Variants in SGSM1 observed in about 807,000 individuals in gnomAD.
The protein encoded by SGSM1 is small G protein signaling modulator 1.
SGSM1 carries 73 observed loss-of-function variants against 133.8 expected under a neutral mutation model. The ratio of observed to expected loss-of-function variants is 0.55; its 90% CI spans 0.45 to 0.66. SGSM1 has a LOEUF of 0.66. SGSM1 is among the 30% of genes least tolerant of loss of function. The pLI, the probability that SGSM1 is intolerant of heterozygous loss-of-function variation, is 0.00. For synonymous variants in SGSM1, 563 were observed against 573.0 expected (o/e 0.98, Z 0.25); for missense variants, 1,213 against 1,448.1 (o/e 0.84, Z 2.64).
chr22:24,908,893 C>CCAA (rs1933512595), intron 21 of SGSM1, among the ~76,000 whole-genome samples: 1 of 152,090 alleles, frequency 6.6e-6, no homozygotes, highest in African/African-American at 2.4e-5. Context: ...ATGCAAATGG[C>CCAA]TAATATGCAA....
chr22:24,855,020 C>A lies in SGSM1; in HGVS notation c.480C>A (p.Leu160=). ...GTAAATACTATGAGAAGGAAGCTCT[C>A]CTGATGGACCCTGTGGACGGCCCCA... is the stretch of plus-strand genomic sequence containing the variant. The part of the protein sequence containing the change: ...NSSKYYEKEA[L]LMDPVDGPIL... The change falls in exon 6 of 25, where the codon CTC becomes CTA. Residue 160 remains leucine, a synonymous_variant. Coordinates refer to ENST00000400358, the MANE Select transcript of SGSM1 (RefSeq NM_001098497.3). 1 of 1,613,512 alleles carries A rather than the reference C, an allele frequency of 6.2e-7. No individual in the cohort carries two copies. The highest frequency in any genetic ancestry group is 1.7e-5 in the Admixed American group (1 of 59,946).
intron 2 of SGSM1, among the ~76,000 whole-genome samples, chr22:24,839,300 G>A (rs1569141524): frequency 6.6e-6 from 1 of 152,208 alleles, no homozygotes; most frequent in Non-Finnish European, 1.5e-5. Flanking sequence ...CTAGGCCCAA[G>A]TGATCCTTTT....
At chr22:24,857,965 T>C (rs532787952) in intron 8 of SGSM1, among the ~76,000 whole-genome samples, 1 of 152,264 alleles carries the variant, frequency 6.6e-6, no homozygotes, top group East Asian at 1.9e-4. Flanking sequence ...TCCACTCTCA[T>C]CTCGGGGATG....
rs181791913 is a variant in SGSM1 at position 24,897,117 on chromosome 22, C to T, written c.2023-855C>T. On this transcript the variant is annotated intron_variant, in intron 18 of 24. Transcript: ENST00000400358. ...ACTGCACGCGGGGCGTGGTGGCTCA[C>T]GCCTGTAATCACAGCACTCTGGGAG... is the stretch of plus-strand genomic sequence containing the variant. Among the ~76,000 whole-genome samples the T allele has an allele frequency of 4.0e-5, 6 of 150,152 alleles. 1 individual carries two copies. In the East Asian group the frequency reaches 1.0e-3, roughly 25 times the overall value.
intron 2 of SGSM1, among the ~76,000 whole-genome samples, chr22:24,826,556 A>G (rs1928811894): frequency 6.6e-6 from 1 of 152,214 alleles, no homozygotes; most frequent in Admixed American, 6.5e-5. Context: ...GTGGCCAGGC[A>G]CTGTCCTGGG....
intron 8 of SGSM1, among the ~76,000 whole-genome samples, chr22:24,856,389 T>G (rs542164874): frequency 6.6e-6 from 1 of 152,210 alleles, no homozygotes; most frequent in Admixed American, 6.5e-5. Context: ...GCCAAGACAG[T>G]TATGATTTGA....
intron 16 of SGSM1, among the ~76,000 whole-genome samples, chr22:24,890,875 G>T (rs567473043): frequency 6.6e-6 from 1 of 152,050 alleles, no homozygotes; most frequent in Non-Finnish European, 1.5e-5. Context: ...CTCTATATTC[G>T]TGTATCACTT....
chr22:24,910,957 TAAAA>T (rs930847959), intron 21 of SGSM1, among the ~76,000 whole-genome samples: 8 of 148,308 alleles, frequency 5.4e-5, no homozygotes, highest in African/African-American at 2.0e-4. Context: ...AATAAATAAA[TAAAA>T]TAAAATAAAT....
At chr22:24,865,139 G>A (rs760146163) in intron 9 of SGSM1, among the ~76,000 whole-genome samples, 5 of 152,174 alleles carry the variant, frequency 3.3e-5, no homozygotes, top group Admixed American at 2.0e-4. Flanking sequence ...GATGGCTGGT[G>A]GTAGCTTTGT....
intron 2 of SGSM1, chr22:24,813,664 T>C (rs755581091): frequency 2.0e-5 from 3 of 152,214 alleles, no homozygotes; most frequent in Non-Finnish European, 4.4e-5. Context: ...CGATGCGTTT[T>C]GATGCTTTTT....
chr22:24,842,853 T>G (rs763562680), intron 2 of SGSM1, among the ~76,000 whole-genome samples: 2 of 152,214 alleles, frequency 1.3e-5, no homozygotes, highest in African/African-American at 2.4e-5. Context: ...GGTTCTGTGC[T>G]CAGCACATGA....
chr22:24,855,916 T>C (rs1394327688), intron 8 of SGSM1: 4 of 684,030 alleles, frequency 5.8e-6, no homozygotes, highest in African/African-American at 1.8e-5. Context: ...GTCACAACCA[T>C]CCATCCATCC....
In SGSM1 at chr22:24,897,870, A is replaced by G. The variant is rs1932961318; in HGVS notation, c.2023-102A>G. The G allele has an allele frequency of 6.7e-6, 7 of 1,040,252 alleles. No homozygotes were observed. In the Admixed American group the frequency reaches 1.1e-4, roughly 17 times the overall value. The allele number at this position is 1,040,252 out of a possible 1,614,324, so 64.4% of individuals were successfully genotyped here. On this transcript the variant is annotated intron_variant, in intron 18 of 24. Coordinates refer to ENST00000400358, the MANE Select transcript of SGSM1 (RefSeq NM_001098497.3). ...TGGTATTCCACTGCATGCTTGATCC[A>G]TATTTAAGCCGATCACCTGTTGTTG... is the stretch of plus-strand genomic sequence containing the variant.
chr22:24,847,872 C>T lies in SGSM1; in HGVS notation c.302+76C>T, dbSNP rs1390330566. 3.3e-6 allele frequency: 5 copies of T among 1,522,732 alleles called. No homozygotes were observed. In the African/African-American group the frequency reaches 5.5e-5, roughly 17 times the overall value. 94.3% of individuals were successfully genotyped at this position (1,522,732 alleles called of 1,614,324 possible). ...CAGTCCTCCCTGGGTCCTGAGAGAGCCTGCAACCCCTAGCACTCTTTTCAG... is the reference window on the plus strand; with the variant it reads ...CAGTCCTCCCTGGGTCCTGAGAGAGTCTGCAACCCCTAGCACTCTTTTCAG... On this transcript the variant is annotated intron_variant, in intron 4 of 24. Coordinates refer to ENST00000400358, the MANE Select transcript of SGSM1 (RefSeq NM_001098497.3).
At chr22:24,849,197 T>G (rs1205570147) in intron 4 of SGSM1, among the ~76,000 whole-genome samples, 1 of 150,310 alleles carries the variant, frequency 6.7e-6, no homozygotes, top group Non-Finnish European at 1.5e-5. Flanking sequence ...GATACAGAAA[T>G]GAAGAGGGCC....
chr22:24,853,168 G>T (rs1930580360), intron 5 of SGSM1, among the ~76,000 whole-genome samples: 1 of 152,190 alleles, frequency 6.6e-6, no homozygotes, highest in Non-Finnish European at 1.5e-5. Flanking sequence ...ACACAGCAAG[G>T]CAGGGAGAGG....
At chr22:24,893,640 G>T in intron 17 of SGSM1, 27 bp downstream of exon 17, 2 of 1,531,656 alleles carry the variant, frequency 1.3e-6, no homozygotes, top group Non-Finnish European at 1.8e-6. Context: ...CTCGGGGAGC[G>T]CGGGGGCTGG....
intron 22 of SGSM1, among the ~76,000 whole-genome samples, chr22:24,916,653 G>A (rs920870796): frequency 6.6e-6 from 1 of 151,764 alleles, no homozygotes; most frequent in Non-Finnish European, 1.5e-5. Flanking sequence ...AGCTGAAATC[G>A]CACCACTGCA....
At chr22:24,887,731 G>C (rs1681329488) in intron 16 of SGSM1, among the ~76,000 whole-genome samples, 3 of 152,192 alleles carry the variant, frequency 2.0e-5, no homozygotes, top group South Asian at 2.1e-4. Flanking sequence ...TTCAGGTGCA[G>C]CCTGGGCAAC....
Sources: gnomAD v4.1 joint callset for allele counts (sites outside exome capture counted in the v4.1 genomes callset) on GRCh38, gnomAD v4.1.1 for gene constraint, MANE v1.5 for transcripts, NCBI Gene and HGNC (gene_info 2026-07-23, HGNC 2026-07-21) for gene names.